STON1: variants seen among roughly 807,000 people sequenced by gnomAD.
STON1 encodes stonin-1.
In STON1, 79 loss-of-function variants were observed where a neutral mutation model predicts 60.9. The observed-to-expected ratio is 1.30, with a 90% CI of 1.08 to 1.56. The LOEUF is 1.56. STON1 is among the 40% of genes most tolerant of loss of function. The pLI, the probability that STON1 is intolerant of heterozygous loss-of-function variation, is 0.00. For missense variants in STON1, 1,166 were observed against 858.9 expected (o/e 1.36, Z -4.47); for synonymous variants, 363 against 306.9 (o/e 1.18, Z -1.91).
rs1558604592 is a variant in STON1 at position 48,564,473 on chromosome 2, CTT to C, written c.-47-16113_-47-16112del. Among the ~76,000 whole-genome samples, 52 of 51,716 alleles carry C rather than the reference CTT, an allele frequency of 1.0e-3. 4 individuals are homozygous for C. The highest frequency in any genetic ancestry group is 3.4e-3 in the African/African-American group (45 of 13,130). 33.9% of individuals were successfully genotyped at this position (51,716 alleles called of 152,430 possible). On this transcript the variant is annotated intron_variant, in intron 1 of 3. Coordinates refer to ENST00000404752, the MANE Select transcript of STON1 (RefSeq NM_006873.4). ...TCTTCTTCTTCTTCTTCTTCTTCTT[CTT>C]CTTCTTTCTTCTTCTTCTTCTTCTT... is the stretch of plus-strand genomic sequence containing the variant.
At chr2:48,565,910 T>C (rs1672921374) in intron 1 of STON1, among the ~76,000 whole-genome samples, 1 of 152,194 alleles carries the variant, frequency 6.6e-6, no homozygotes, top group Non-Finnish European at 1.5e-5. Context: ...GGATACATCA[T>C]AGAAATGTCA....
At chr2:48,550,749 A>G (rs1433236243) in intron 1 of STON1, among the ~76,000 whole-genome samples, 1 of 151,618 alleles carries the variant, frequency 6.6e-6, no homozygotes, top group East Asian at 1.9e-4. Flanking sequence ...TGATGTTTAT[A>G]GCTGCTTTCC....
In STON1 at chr2:48,550,977, T is replaced by A. The variant is rs184012103; in HGVS notation, c.-48+20761T>A. Among the ~76,000 whole-genome samples, 180 of 152,032 alleles carry A rather than the reference T, an allele frequency of 1.2e-3. 2 individuals carry two copies. Among genetic ancestry groups the A allele is most frequent in the African/African-American group, 4.0e-3 (165 of 41,540 alleles). On this transcript the variant is annotated intron_variant, in intron 1 of 3. Coordinates refer to ENST00000404752, the MANE Select transcript of STON1 (RefSeq NM_006873.4). ...TTCTTTTCTTTTTACTTAAAAAAAA[T>A]TTTTTGTAACTATTTTTTCTTTCTT...
Position 48,568,480 on chromosome 2 carries a change from G to C in STON1, c.-47-12107G>C, listed in dbSNP as rs145856711. 4.6e-5 allele frequency among the ~76,000 whole-genome samples: 7 copies of C among 152,278 alleles called. No homozygotes were observed. In the East Asian group the frequency reaches 1.4e-3, roughly 29 times the overall value. ...CAAAGAACGGCAGAAGTAGACTCTT[G>C]AGGTTGGAGGGGAGTAGGGGATGAT... On this transcript the variant is annotated intron_variant, in intron 1 of 3. Transcript: ENST00000404752.
Position 48,582,177 on chromosome 2 carries a change from T to A in STON1, c.1544T>A (p.Met515Lys), listed in dbSNP as rs138928845. ...VPLDACRFEL[M>K]RFKTLYNGDN... ...CTGGATGCCTGCCGGTTTGAGCTGA[T>A]GCGTTTCAAGACTTTGTATAATGGG... Residue 515 changes from methionine (M) to lysine (K), a missense_variant, in exon 2 of 4, where the codon ATG (methionine) becomes AAG (lysine). By Grantham distance (95) the Met-to-Lys change is moderately conservative. Transcript: ENST00000404752. 9.9e-6 allele frequency: 16 copies of A among 1,614,248 alleles called. No homozygotes were observed. The African/African-American group carries it at 1.1e-4, about 11-fold the overall frequency.
At chr2:48,545,325 C>G (rs1327079030) in intron 1 of STON1, among the ~76,000 whole-genome samples, 1 of 152,150 alleles carries the variant, frequency 6.6e-6, no homozygotes, top group African/African-American at 2.4e-5. Context: ...TTTCAACAGC[C>G]CCTGCTTGTC....
At chr2:48,572,857 G>A (rs781722223) in intron 1 of STON1, among the ~76,000 whole-genome samples, 2 of 152,180 alleles carry the variant, frequency 1.3e-5, no homozygotes, top group Admixed American at 6.5e-5. Flanking sequence ...TCGAAACCCT[G>A]CTCTCCCTGC....
intron 2 of STON1, among the ~76,000 whole-genome samples, chr2:48,590,729 G>A (rs1674468483): frequency 1.3e-5 from 2 of 151,144 alleles, no homozygotes; most frequent in African/African-American, 2.4e-5. Context: ...AACCTGGCCT[G>A]GCATAGCACA....
chr2:48,570,552 T>C (rs1180616770), intron 1 of STON1, among the ~76,000 whole-genome samples: 3 of 152,118 alleles, frequency 2.0e-5, no homozygotes, highest in Non-Finnish European at 2.9e-5. Context: ...TGCTAGGCTT[T>C]TGAATGCCAT....
intron 1 of STON1, among the ~76,000 whole-genome samples, chr2:48,532,894 C>T (rs1671270645): frequency 6.6e-6 from 1 of 152,052 alleles, no homozygotes; most frequent in Non-Finnish European, 1.5e-5. Context: ...GCAAGGAAGG[C>T]AGAGGTGGTT....
At chr2:48,530,264 C>G (rs896442224) in intron 1 of STON1, 48 bp downstream of exon 1, 1 of 352,366 alleles carries the variant, frequency 2.8e-6, no homozygotes, top group Admixed American at 4.0e-5. Flanking sequence ...TGGGACCCCC[C>G]CTCTCCAGGG....
intron 1 of STON1, among the ~76,000 whole-genome samples, chr2:48,576,185 CTTTTTTTTT>C (rs34849002): frequency 1.6e-3 from 99 of 63,084 alleles, no homozygotes; most frequent in Admixed American, 5.1e-3. Context: ...GTTTTCCTTT[CTTTTTTTTT>C]TTTTTTTTTT....
chr2:48,552,370 T>A (rs903615472), intron 1 of STON1, among the ~76,000 whole-genome samples: 4 of 152,154 alleles, frequency 2.6e-5, no homozygotes, highest in African/African-American at 9.7e-5. Context: ...CTAAGTGTTT[T>A]ATGGGTGCAG....
rs1673848356 is a variant in STON1 at position 48,581,018 on chromosome 2, A to G, written c.385A>G (p.Thr129Ala). The G allele has an allele frequency of 1.9e-6, 3 of 1,569,680 alleles. No homozygotes were observed. The highest frequency in any genetic ancestry group is 1.9e-5 in the Admixed American group (1 of 51,786). ...ATCTTCCTTACTGCCTACCAGACCA[A>G]CATGTTTATCCCATGCCTTGTTACC... ...GESSLLPTRPTCLSHALLPSD... is the reference protein window; with the variant it reads ...GESSLLPTRPACLSHALLPSD... Residue 129 changes from threonine to alanine, a missense_variant, in exon 2 of 4, where the codon ACA becomes GCA. Transcript: ENST00000404752.
intron 1 of STON1, chr2:48,569,074 C>T (rs769592615): frequency 4.6e-5 from 7 of 152,178 alleles, no homozygotes; most frequent in African/African-American, 9.7e-5. Flanking sequence ...TCTTACTGGT[C>T]GAGCAACTTT....
chr2:48,560,788 C>T (rs1050967144), intron 1 of STON1, among the ~76,000 whole-genome samples: 19 of 152,146 alleles, frequency 1.2e-4, no homozygotes, highest in African/African-American at 4.1e-4. Flanking sequence ...CTACCCCAGG[C>T]CCCAGCATCC....
At chr2:48,579,597 A>G (rs901676497) in intron 1 of STON1, among the ~76,000 whole-genome samples, 15 of 152,146 alleles carry the variant, frequency 9.9e-5, no homozygotes, top group South Asian at 2.1e-4. Context: ...TGTGATTTCA[A>G]TCTTCTCACA....
chr2:48,549,895 G>A (rs1672026484), intron 1 of STON1, among the ~76,000 whole-genome samples: 1 of 151,912 alleles, frequency 6.6e-6, no homozygotes, highest in Admixed American at 6.6e-5. Flanking sequence ...GGGGTGGGTG[G>A]GGTGGTGGGA....
At chr2:48,578,341 C>T (rs1673642886) in intron 1 of STON1, among the ~76,000 whole-genome samples, 1 of 152,202 alleles carries the variant, frequency 6.6e-6, no homozygotes, top group Non-Finnish European at 1.5e-5. Context: ...AACGTGCAGC[C>T]CACAGGCTAC....
Sources: allele counts gnomAD v4.1 joint callset (sites outside exome capture counted in the v4.1 genomes callset), GRCh38; gene constraint gnomAD v4.1.1; transcripts MANE v1.5; gene names NCBI Gene and HGNC (gene_info 2026-07-23, HGNC 2026-07-21).